The following ROBO2 variants were observed in gnomAD, a reference collection of about 807,000 sequenced individuals.
The protein encoded by ROBO2 is roundabout homolog 2.
Under a neutral mutation model 160.8 loss-of-function variants are expected in ROBO2, and 53 were observed. The observed-to-expected ratio is 0.33, with a 90% CI of 0.26 to 0.41. ROBO2 has a LOEUF of 0.41. ROBO2 is among the 10% of genes least tolerant of loss of function. ROBO2 has a pLI of 1.00. For synonymous variants in ROBO2, 664 were observed against 611.7 expected (o/e 1.09, Z -1.26); for missense variants, 1,577 against 1,722.4 (o/e 0.92, Z 1.49).
chr3:76,417,048 T>C (rs2075785752), intron 2 of ROBO2, among the ~76,000 whole-genome samples: 1 of 151,622 alleles, frequency 6.6e-6, no homozygotes, highest in African/African-American at 2.4e-5. Flanking sequence ...TCAGTTATCA[T>C]GGCATCCTTA....
At chr3:76,869,323 G>A (rs921479923) in intron 2 of ROBO2, among the ~76,000 whole-genome samples, 1 of 142,046 alleles carries the variant, frequency 7.0e-6, no homozygotes, top group African/African-American at 2.6e-5. Context: ...AATATTTTAT[G>A]TGCCTAGTAG....
chr3:77,098,771 G>A (rs559986615), intron 2 of ROBO2, among the ~76,000 whole-genome samples: 1 of 152,168 alleles, frequency 6.6e-6, no homozygotes, highest in East Asian at 2.0e-4. Flanking sequence ...CAGGAGAATG[G>A]TGTGAACCCG....
chr3:77,551,780 T>C (rs2092930074), intron 8 of ROBO2, among the ~76,000 whole-genome samples: 1 of 152,098 alleles, frequency 6.6e-6, no homozygotes, highest in South Asian at 2.1e-4. Flanking sequence ...TGCTTTGGTC[T>C]GTGGTGTCTT....
chr3:76,356,978 G>A (rs917581561), intron 2 of ROBO2, among the ~76,000 whole-genome samples: 2 of 151,660 alleles, frequency 1.3e-5, no homozygotes, highest in Admixed American at 1.3e-4. Flanking sequence ...GTTTAAAATA[G>A]TATTTACAAC....
chr3:76,610,939 A>G (rs1202536360), intron 2 of ROBO2, among the ~76,000 whole-genome samples: 2 of 152,188 alleles, frequency 1.3e-5, no homozygotes, highest in Non-Finnish European at 2.9e-5. Context: ...TAAGGCAGAT[A>G]ATAATTTTAT....
At chr3:77,610,757 A>AG (rs1314306664) in intron 21 of ROBO2, among the ~76,000 whole-genome samples, 1 of 149,772 alleles carries the variant, frequency 6.7e-6, no homozygotes, top group Non-Finnish European at 1.5e-5. Flanking sequence ...AAAAAAAAAA[A>AG]AAAAAAAAAA....
chr3:75,947,444 C>A (rs1948353216), intron 2 of ROBO2, among the ~76,000 whole-genome samples: 1 of 152,004 alleles, frequency 6.6e-6, no homozygotes, highest in African/African-American at 2.4e-5. Flanking sequence ...ATTTATAAGT[C>A]TAAAATGTAA....
chr3:77,455,261 G>GA (rs936144725), intron 2 of ROBO2, among the ~76,000 whole-genome samples: 27 of 152,006 alleles, frequency 1.8e-4, no homozygotes, highest in African/African-American at 6.0e-4. Context: ...ACGGAAACTT[G>GA]AAAAAAGTGT....
intron 2 of ROBO2, among the ~76,000 whole-genome samples, chr3:77,189,797 T>C (rs35133299): frequency 0.2 from 29,753 of 151,874 alleles, 3,355 homozygotes; most frequent in Middle Eastern, 0.31. Context: ...GAATGCTTTC[T>C]ATATGCCAGA....
At chr3:77,187,433 T>G (rs2081381772) in intron 2 of ROBO2, among the ~76,000 whole-genome samples, 1 of 151,934 alleles carries the variant, frequency 6.6e-6, no homozygotes, top group Non-Finnish European at 1.5e-5. Flanking sequence ...CACTTAAAAT[T>G]AGCAAAGTCT....
At chr3:76,400,691 A>C (rs9863452) in intron 2 of ROBO2, among the ~76,000 whole-genome samples, 9,696 of 151,638 alleles carry the variant, frequency 0.064, 885 homozygotes, top group African/African-American at 0.2. Flanking sequence ...ATGTTTTTTA[A>C]TAAAAATATA....
chr3:77,397,282 A>G (rs781534433), intron 2 of ROBO2, among the ~76,000 whole-genome samples: 1 of 152,150 alleles, frequency 6.6e-6, no homozygotes. Context: ...GTGAAATCAA[A>G]CTACATCAAA....
intron 2 of ROBO2, among the ~76,000 whole-genome samples, chr3:77,393,784 G>A (rs1560711277): frequency 6.6e-6 from 1 of 151,670 alleles, no homozygotes; most frequent in African/African-American, 2.4e-5. Context: ...ACTAGCTGTT[G>A]AATATTTAAC....
chr3:77,368,700 T>A (rs1415338126), intron 2 of ROBO2, among the ~76,000 whole-genome samples: 3 of 152,236 alleles, frequency 2.0e-5, no homozygotes, highest in Non-Finnish European at 4.4e-5. Flanking sequence ...TTTATTTAGA[T>A]CTTATGTTCT....
chr3:77,396,006 T>G (rs988178921), intron 2 of ROBO2, among the ~76,000 whole-genome samples: 2 of 151,720 alleles, frequency 1.3e-5, no homozygotes, highest in Non-Finnish European at 2.9e-5. Flanking sequence ...CTTTTTGATA[T>G]CCAAATAACC....
chr3:75,953,855 T>C (rs1444185691), intron 2 of ROBO2, among the ~76,000 whole-genome samples: 1 of 151,924 alleles, frequency 6.6e-6, no homozygotes, highest in Non-Finnish European at 1.5e-5. Flanking sequence ...ATGATATTTA[T>C]CAAATCACCT....
At chr3:76,780,107 T>C (rs2108596145) in intron 2 of ROBO2, among the ~76,000 whole-genome samples, 1 of 151,020 alleles carries the variant, frequency 6.6e-6, no homozygotes, top group East Asian at 2.0e-4. Context: ...TACAAGGTGA[T>C]ATCTTATTGT....
intron 2 of ROBO2, among the ~76,000 whole-genome samples, chr3:77,421,236 G>A (rs527582685): frequency 4.5e-4 from 69 of 152,190 alleles, no homozygotes; most frequent in African/African-American, 8.9e-4. Context: ...CTGAATAAAT[G>A]TTCAGTATTA....
chr3:76,474,676 A>G (rs1451949313), intron 2 of ROBO2, among the ~76,000 whole-genome samples: 16 of 152,120 alleles, frequency 1.1e-4, no homozygotes. Flanking sequence ...CTATGTATCA[A>G]TCACCAAAAT....
Sources: gnomAD v4.1 joint callset for allele counts (sites outside exome capture counted in the v4.1 genomes callset) on GRCh38, gnomAD v4.1.1 for gene constraint, MANE v1.5 for transcripts, NCBI Gene and HGNC (gene_info 2026-07-23, HGNC 2026-07-21) for gene names.